PTPRC: variants seen among roughly 807,000 people sequenced by gnomAD.
PTPRC encodes the protein receptor-type tyrosine-protein phosphatase C.
PTPRC carries 44 observed loss-of-function variants against 155.9 expected under a neutral mutation model. The observed-to-expected ratio is 0.28, with a 90% CI of 0.22 to 0.36. The LOEUF (loss-of-function observed/expected upper bound fraction) is 0.36, where lower values mean the gene tolerates loss of function less well. Ranked by LOEUF, PTPRC falls within the 10% of genes least tolerant of loss-of-function variation. PTPRC has a pLI of 1.00. For synonymous variants in PTPRC, 525 were observed against 533.1 expected, an observed-to-expected ratio of 0.98 and a Z score of 0.21; for missense variants, 1,401 against 1,564.6, an observed-to-expected ratio of 0.90 and a Z score of 1.76.
chr1:198,725,171 A>G (rs1366491202), intron 15 of PTPRC, among the ~76,000 whole-genome samples: 1 of 152,088 alleles, frequency 6.6e-6, no homozygotes, highest in African/African-American at 2.4e-5. Flanking sequence ...TATATCTGAG[A>G]ATTCTTTGCT....
rs1237012473 is a variant in PTPRC, at chr1:198,732,353, T to G, written c.2028T>G (p.Phe676Leu). 6.2e-7 allele frequency: 1 copy of G among 1,612,636 alleles called. No homozygotes were observed. Among genetic ancestry groups the G allele is most frequent in the African/African-American group, 1.3e-5 (1 of 74,956 alleles). ...CTATAAAGGAAGCTCGAAAGCCCTT[T>G]AACCAGAATAAAAACCGTTATGTTG... ...KFPIKEARKP[F>L]NQNKNRYVDI... Residue 676 changes from phenylalanine to leucine, a missense_variant, in exon 19 of 33, where the codon TTT becomes TTG. Physicochemically the swap from Phe to Leu is conservative, Grantham distance 22. Around this residue, in one of 3 missense-constraint regions of PTPRC, gnomAD observed 867 missense variants for 970.4 expected, o/e 0.89. Coordinates refer to ENST00000442510, the MANE Select transcript of PTPRC (RefSeq NM_002838.5).
At chr1:198,692,163 T>C (rs1298548994) in intron 2 of PTPRC, among the ~76,000 whole-genome samples, 184 bp from the exon 3 acceptor site, 1 of 152,120 alleles carries the variant, frequency 6.6e-6, no homozygotes, top group Non-Finnish European at 1.5e-5. Context: ...TTGATATATT[T>C]GGGCTTTGTA....
chr1:198,726,582 T>A lies in PTPRC; in HGVS notation c.1721-1758T>A, dbSNP rs547814540. ...CTGAATTCAAGCTCAGGTCTTACAGTCTGTATCTGAAATTACTTTCAATAT... is the reference window on the plus strand; with the variant it reads ...CTGAATTCAAGCTCAGGTCTTACAGACTGTATCTGAAATTACTTTCAATAT... On this transcript the variant is annotated intron_variant, in intron 15 of 32. Coordinates refer to ENST00000442510, the MANE Select transcript of PTPRC (RefSeq NM_002838.5). Among the ~76,000 whole-genome samples the A allele has an allele frequency of 1.2e-3, 179 of 152,320 alleles. 4 individuals are homozygous for A. In the South Asian group the frequency reaches 0.031, roughly 27 times the overall value.
At chr1:198,676,411 T>G (rs745611756) in intron 2 of PTPRC, among the ~76,000 whole-genome samples, 9 of 152,170 alleles carry the variant, frequency 5.9e-5, no homozygotes, top group Non-Finnish European at 5.9e-5. Context: ...AAGAAACAGA[T>G]GGTAGATCTG....
intron 23 of PTPRC, among the ~76,000 whole-genome samples, chr1:198,736,850 C>G (rs1291587839): frequency 6.6e-6 from 1 of 151,592 alleles, no homozygotes; most frequent in African/African-American, 2.4e-5. Context: ...TGCAAGCATT[C>G]ATTCTTGGCT....
At chr1:198,728,271 G>C in intron 15 of PTPRC, 69 bp from the exon 16 acceptor site, 1 of 1,181,774 alleles carries the variant, frequency 8.5e-7, no homozygotes. Context: ...TACTTTGGAG[G>C]TGATTATTCA....
rs977524211 is a variant in PTPRC, at chr1:198,756,156, G to T, written c.3896G>T (p.Ser1299Ile). The T allele has an allele frequency of 6.2e-7, 1 of 1,613,252 alleles. No homozygotes were observed. Among genetic ancestry groups the T allele is most frequent in the Non-Finnish European group, 8.5e-7 (1 of 1,179,576 alleles). Residue 1299 changes from serine (S) to isoleucine (I), a missense_variant, in exon 33 of 33, where the codon AGT (serine) becomes ATT (isoleucine). By Grantham distance (142) the Ser-to-Ile change is moderately radical. Around this residue, in one of 3 missense-constraint regions of PTPRC, gnomAD observed 400 missense variants for 389.5 expected, o/e 1.03. Transcript: ENST00000442510. ...GPEHSVNGPA[S>I]PALNQGS ...GAACATTCTGTCAATGGTCCTGCAA[G>T]TCCAGCTTTAAATCAAGGTTCATAG... is the stretch of plus-strand genomic sequence containing the variant.
At chr1:198,694,322 G>A (rs1486789646) in intron 3 of PTPRC, 1 of 399,988 alleles carries the variant, frequency 2.5e-6, no homozygotes, top group Non-Finnish European at 3.7e-6. Flanking sequence ...ATATTGGGTG[G>A]GGGTGGGGGG....
intron 23 of PTPRC, among the ~76,000 whole-genome samples, chr1:198,736,030 C>A (rs923136132): frequency 6.6e-6 from 1 of 151,404 alleles, no homozygotes; most frequent in South Asian, 2.1e-4. Flanking sequence ...TTATTTCCAA[C>A]AAATGAATTT....
chr1:198,650,523 G>A (rs1364930293), intron 2 of PTPRC, among the ~76,000 whole-genome samples: 1 of 151,820 alleles, frequency 6.6e-6, no homozygotes, highest in Non-Finnish European at 1.5e-5. Context: ...TTCCCCATGA[G>A]CACTGGGATG....
chr1:198,733,209 C>A (rs1480991659), intron 20 of PTPRC, among the ~76,000 whole-genome samples: 4 of 151,276 alleles, frequency 2.6e-5, no homozygotes, highest in African/African-American at 9.7e-5. Context: ...TGAAAAAATT[C>A]TTTTTGTCTC....
intron 2 of PTPRC, among the ~76,000 whole-genome samples, chr1:198,663,049 C>A (rs9787290): frequency 1.0e-3 from 158 of 152,264 alleles, no homozygotes; most frequent in Non-Finnish European, 4.9e-4. Flanking sequence ...TGTTGTACTT[C>A]CCACGTCTCT....
At position 198,750,524 on chromosome 1, in the gene PTPRC, T is replaced by C. The variant is rs1428688087; in HGVS notation, c.3105T>C (p.Ala1035=). The C allele has an allele frequency of 1.9e-6, 3 of 1,612,606 alleles. No homozygotes were observed. Among genetic ancestry groups the C allele is most frequent in the Non-Finnish European group, 2.5e-6 (3 of 1,178,998 alleles). Residue 1035 remains alanine, a synonymous_variant, in exon 29 of 33, where the codon GCT becomes GCC. Coordinates refer to ENST00000442510, the MANE Select transcript of PTPRC (RefSeq NM_002838.5). ...GGAAACCTGAAGTGATGATTGCTGC[T>C]CAGGGACCACTGAAGGAGACCATTG... ...SYWKPEVMIA[A]QGPLKETIGD... is the part of the protein sequence containing the mutation.
chr1:198,649,152 G>T (rs1157517285), intron 2 of PTPRC, among the ~76,000 whole-genome samples: 1 of 151,756 alleles, frequency 6.6e-6, no homozygotes, highest in African/African-American at 2.4e-5. Flanking sequence ...AAAAATTATT[G>T]TTTGGTTCAT....
chr1:198,731,707 T>A lies in PTPRC; in HGVS notation c.1955T>A (p.Leu652His). The change falls in exon 18 of 33, where the codon CTT becomes CAT. Residue 652 changes from leucine to histidine, a missense_variant. By Grantham distance (99) the Leu-to-His change is moderately conservative. Transcript: ENST00000442510. ...YKRKIADEGR[L>H]FLAEFQSIPR... ...AGGAAGATTGCTGATGAAGGAAGACTTTTTCTGGCTGAATTTCAGGTGTGT... is the reference window on the plus strand; with the variant it reads ...AGGAAGATTGCTGATGAAGGAAGACATTTTCTGGCTGAATTTCAGGTGTGT... The A allele has an allele frequency of 5.0e-6, 8 of 1,605,362 alleles. No individual in the cohort carries two copies. The highest frequency in any genetic ancestry group is 6.0e-6 in the Non-Finnish European group (7 of 1,172,554).
intron 4 of PTPRC, among the ~76,000 whole-genome samples, chr1:198,698,800 T>TA (rs2102390831): frequency 6.6e-6 from 1 of 152,154 alleles, no homozygotes; most frequent in South Asian, 2.1e-4. Context: ...ACATATAGGA[T>TA]TAAAGTATAT....
chr1:198,697,571 ATATGTATATGCTCATTTAATG>A (rs1666263120), intron 4 of PTPRC, among the ~76,000 whole-genome samples: 1 of 152,192 alleles, frequency 6.6e-6, no homozygotes, highest in Non-Finnish European at 1.5e-5. Context: ...GAATACTGAT[ATATGTATATGCTCATTTAATG>A]TTTAGCAATA....
At chr1:198,712,895 G>A in intron 11 of PTPRC, 58 bp from the exon 12 acceptor site, 1 of 1,524,932 alleles carries the variant, frequency 6.6e-7, no homozygotes. Context: ...ATAATATGAA[G>A]AATGCTTTAT....
At chr1:198,746,748 C>CTGAGTATTG (rs1655152583) in intron 26 of PTPRC, among the ~76,000 whole-genome samples, 1 of 151,802 alleles carries the variant, frequency 6.6e-6, no homozygotes, top group Admixed American at 6.6e-5. Context: ...GCCATTAATT[C>CTGAGTATTG]CACCTATAAT....
Sources: gnomAD v4.1 joint callset for allele counts (sites outside exome capture counted in the v4.1 genomes callset) on GRCh38, gnomAD v4.1.1 for gene constraint, gnomAD v4.1.1 regional missense constraint, MANE v1.5 for transcripts, NCBI Gene and HGNC (gene_info 2026-07-23, HGNC 2026-07-21) for gene names.